WWOX: variants seen among roughly 807,000 people sequenced by gnomAD.
WWOX encodes the protein WW domain-containing oxidoreductase.
WWOX carries 69 observed loss-of-function variants against 46.2 expected under a neutral mutation model. The ratio of observed to expected loss-of-function variants is 1.49; its 90% CI spans 1.23 to 1.82. The LOEUF (loss-of-function observed/expected upper bound fraction) is 1.82, where lower values mean the gene tolerates loss of function less well. Ranked by LOEUF, WWOX falls within the 40% of genes most tolerant of loss-of-function variation. The pLI is 0.00. For synonymous variants in WWOX, 359 were observed against 202.6 expected, an observed-to-expected ratio of 1.77 and a Z score of -6.56; for missense variants, 919 against 542.6, an observed-to-expected ratio of 1.69 and a Z score of -6.89.
chr16:78,856,238 G>T (rs540128541), intron 8 of WWOX, among the ~76,000 whole-genome samples: 1 of 152,174 alleles, frequency 6.6e-6, no homozygotes, highest in Non-Finnish European at 1.5e-5. Flanking sequence ...CAGGGACTGC[G>T]TTGGAAAGGG....
chr16:79,141,260 G>A (rs1049192987), intron 8 of WWOX, among the ~76,000 whole-genome samples: 1 of 152,136 alleles, frequency 6.6e-6, no homozygotes, highest in African/African-American at 2.4e-5. Flanking sequence ...CCTTTGCTCT[G>A]AGTTGTCCCA....
chr16:78,275,822 T>A (rs1455313557), intron 5 of WWOX, among the ~76,000 whole-genome samples: 1 of 152,100 alleles, frequency 6.6e-6, no homozygotes, highest in East Asian at 1.9e-4. Context: ...TTTGGGTGAA[T>A]TTCTTTGTTT....
At position 78,798,306 on chromosome 16, in the gene WWOX, A is replaced by G. The variant is rs73575646; in HGVS notation, c.1056+365554A>G. 1.6e-3 allele frequency among the ~76,000 whole-genome samples: 251 copies of G among 152,256 alleles called. 1 individual carries two copies. The highest frequency in any genetic ancestry group is 5.9e-3 in the African/African-American group (246 of 41,548). On this transcript the variant is annotated intron_variant, in intron 8 of 8. Coordinates refer to ENST00000566780, the MANE Select transcript of WWOX (RefSeq NM_016373.4). ...GTCAGGCTCAGATTGACGCTTTTCA[A>G]GAGAGAGAAAAAAAAAGAAAAAAAT...
chr16:78,402,518 T>G (rs935126645), intron 6 of WWOX, among the ~76,000 whole-genome samples: 9 of 151,978 alleles, frequency 5.9e-5, no homozygotes, highest in Non-Finnish European at 1.0e-4. Flanking sequence ...GGGTTGGAGG[T>G]CCGTAGAAAT....
chr16:78,638,304 A>T (rs775880698), intron 8 of WWOX, among the ~76,000 whole-genome samples: 2 of 152,192 alleles, frequency 1.3e-5, no homozygotes, highest in African/African-American at 2.4e-5. Context: ...CCCAAGACAT[A>T]GGCCCAGGAG....
At chr16:79,019,330 C>T (rs2047484435) in intron 8 of WWOX, among the ~76,000 whole-genome samples, 1 of 152,084 alleles carries the variant, frequency 6.6e-6, no homozygotes, top group Admixed American at 6.6e-5. Flanking sequence ...GTGCCGTCTA[C>T]TACACACACA....
chr16:78,537,849 G>A (rs74856518), intron 8 of WWOX, among the ~76,000 whole-genome samples: 163 of 152,212 alleles, frequency 1.1e-3, no homozygotes, highest in African/African-American at 3.6e-3. Flanking sequence ...GGTGCCACCC[G>A]GCAGTGGAAA....
chr16:78,415,670 G>A (rs960989012), intron 6 of WWOX, among the ~76,000 whole-genome samples: 10 of 152,194 alleles, frequency 6.6e-5, no homozygotes, highest in African/African-American at 2.4e-4. Context: ...AGACGGGGTA[G>A]TCAGTGGTAG....
At chr16:78,831,853 CAG>C (rs201094491) in intron 8 of WWOX, among the ~76,000 whole-genome samples, 78 of 152,066 alleles carry the variant, frequency 5.1e-4, no homozygotes, top group East Asian at 3.9e-4. Flanking sequence ...TTAGGAGACA[CAG>C]GGGAGGAAAA....
chr16:78,889,766 G>C (rs1239188137), intron 8 of WWOX, among the ~76,000 whole-genome samples: 1 of 151,962 alleles, frequency 6.6e-6, no homozygotes, highest in Non-Finnish European at 1.5e-5. Context: ...ATTTTGTTTT[G>C]TTCCGCCTCG....
chr16:78,882,300 A>G (rs1052743632), intron 8 of WWOX, among the ~76,000 whole-genome samples: 1 of 152,118 alleles, frequency 6.6e-6, no homozygotes, highest in Non-Finnish European at 1.5e-5. Flanking sequence ...TTGTATCATC[A>G]TTTCATTGTT....
At chr16:79,196,907 G>A (rs962760602) in intron 8 of WWOX, among the ~76,000 whole-genome samples, 1 of 152,164 alleles carries the variant, frequency 6.6e-6, no homozygotes, top group African/African-American at 2.4e-5. Flanking sequence ...GGAGTTCGGT[G>A]TCACCCTGAG....
intron 8 of WWOX, among the ~76,000 whole-genome samples, chr16:79,038,818 G>A (rs752526682): frequency 2.6e-5 from 4 of 151,992 alleles, no homozygotes; most frequent in Non-Finnish European, 5.9e-5. Flanking sequence ...CCAAAGTGCT[G>A]GGATTACAAG....
intron 8 of WWOX, among the ~76,000 whole-genome samples, chr16:78,566,856 C>G (rs1055305192): frequency 2.6e-5 from 4 of 152,164 alleles, no homozygotes; most frequent in Non-Finnish European, 5.9e-5. Context: ...TGGCTGTCAT[C>G]AGTTCAGAGT....
intron 8 of WWOX, among the ~76,000 whole-genome samples, chr16:78,786,648 T>G (rs979320260): frequency 6.6e-6 from 1 of 152,244 alleles, no homozygotes; most frequent in African/African-American, 2.4e-5. Flanking sequence ...CATCAAAATC[T>G]AATTTTAGAG....
intron 8 of WWOX, among the ~76,000 whole-genome samples, chr16:78,989,163 A>G (rs1292357904): frequency 6.6e-6 from 1 of 151,948 alleles, no homozygotes; most frequent in Non-Finnish European, 1.5e-5. Context: ...CCCTTATTGT[A>G]TCTCCCCAGG....
chr16:78,338,553 T>A (rs2080944842), intron 5 of WWOX, among the ~76,000 whole-genome samples: 1 of 121,182 alleles, frequency 8.3e-6, no homozygotes, highest in African/African-American at 2.8e-5. Flanking sequence ...AACCAGAGAA[T>A]TGTTCAAGGC....
intron 8 of WWOX, among the ~76,000 whole-genome samples, chr16:78,668,719 G>A (rs763857302): frequency 1.3e-5 from 2 of 152,106 alleles, no homozygotes; most frequent in Non-Finnish European, 2.9e-5. Flanking sequence ...ATGGGTGTTT[G>A]TAGGTAGACC....
chr16:78,543,996 A>G (rs917888688), intron 8 of WWOX, among the ~76,000 whole-genome samples: 2 of 152,210 alleles, frequency 1.3e-5, no homozygotes, highest in South Asian at 2.1e-4. Flanking sequence ...ATTTGTAGAT[A>G]GACTTACATC....
Sources: allele counts gnomAD v4.1 joint callset (sites outside exome capture counted in the v4.1 genomes callset), GRCh38; gene constraint gnomAD v4.1.1; transcripts MANE v1.5; gene names NCBI Gene and HGNC (gene_info 2026-07-23, HGNC 2026-07-21).